Variants in ZNF534 observed in about 807,000 individuals in gnomAD.
ZNF534 encodes KRAB domain only 3.
In ZNF534, 19 loss-of-function variants were observed where a neutral mutation model predicts 13.6. The ratio of observed to expected loss-of-function variants is 1.40; its 90% CI spans 0.97 to 2.05. The LOEUF is 2.05. ZNF534 is among the 30% of genes most tolerant of loss of function. The pLI, the probability that ZNF534 is intolerant of heterozygous loss-of-function variation, is 0.00. For synonymous variants in ZNF534, 244 were observed against 273.8 expected, an observed-to-expected ratio of 0.89 and a Z score of 1.07; for missense variants, 782 against 796.3, an observed-to-expected ratio of 0.98 and a Z score of 0.22.
chr19:52,447,540 A>T (rs1287529962), intron 4 of ZNF534, among the ~76,000 whole-genome samples: 1 of 152,208 alleles, frequency 6.6e-6, no homozygotes, highest in Non-Finnish European at 1.5e-5. Context: ...AGGAAGATGA[A>T]AAAGTTTTGC....
rs897273354 is a variant in ZNF534, at chr19:52,441,844, T to C, written c.*2398T>C. Among the ~76,000 whole-genome samples the C allele has an allele frequency of 6.6e-6, 1 of 152,156 alleles. No individual in the cohort carries two copies. The highest frequency in any genetic ancestry group is 1.5e-5 in the Non-Finnish European group (1 of 68,020). ...AGAAACCTTACAAATGCAACATATG[T>C]GGTAAAATGTTTTAGTCACAATTCA... On this transcript the variant is annotated 3_prime_UTR_variant, in exon 5 of 5. Transcript: ENST00000433050.
chr19:52,444,356 CTA>C (rs772832775), downstream of ZNF534, among the ~76,000 whole-genome samples: 1 of 152,138 alleles, frequency 6.6e-6, no homozygotes, highest in Non-Finnish European at 1.5e-5. Flanking sequence ...TACGAACTGT[CTA>C]TGAGTCTCTC....
intron 4 of ZNF534, among the ~76,000 whole-genome samples, 153 bp from the exon 5 acceptor site, chr19:52,437,579 A>T (rs1476580334): frequency 6.6e-6 from 1 of 152,216 alleles, no homozygotes. Flanking sequence ...ATTGCACTCC[A>T]GCCTGGGTGA....
In ZNF534 at chr19:52,439,202, A is replaced by G. The variant is rs1035577136; in HGVS notation, c.1742A>G (p.Asn581Ser). Residue 581 changes from asparagine to serine, a missense_variant, in exon 5 of 5, where the codon AAT becomes AGT. Asn to Ser is a conservative substitution (Grantham distance 46). Transcript: ENST00000433050. Reference protein sequence around the residue: ...IHTGEKPHSCNECGKVFSRNS... With the variant: ...IHTGEKPHSCSECGKVFSRNS... ...ACTGGAGAGAAGCCTCACAGTTGTA[A>G]TGAATGTGGCAAGGTCTTCAGTCGG... is the stretch of plus-strand genomic sequence containing the variant. 3.9e-6 allele frequency: 6 copies of G among 1,537,794 alleles called. No individual in the cohort carries two copies. The African/African-American group carries it at 6.9e-5, about 18-fold the overall frequency.
At chr19:52,443,456 A>G (rs2059183573), downstream of ZNF534, among the ~76,000 whole-genome samples, 1 of 151,836 alleles carries the variant, frequency 6.6e-6, no homozygotes, top group African/African-American at 2.4e-5. Flanking sequence ...ATATTTTCTT[A>G]TTTTTTCTTT....
intron 3 of ZNF534, 69 bp from the exon 4 acceptor site, chr19:52,435,012 C>A: frequency 6.5e-7 from 1 of 1,539,154 alleles, no homozygotes; most frequent in South Asian, 1.3e-5. Context: ...ATGCTGTCTC[C>A]TACCTAAATA....
At chr19:52,433,817 C>T (rs765655214) in intron 2 of ZNF534, 138 bp from the exon 3 acceptor site, 45 of 914,122 alleles carry the variant, frequency 4.9e-5, no homozygotes, top group Non-Finnish European at 7.8e-5. Flanking sequence ...AGACACATAA[C>T]TAGCTCAAGA....
downstream of ZNF534, among the ~76,000 whole-genome samples, chr19:52,445,267 G>A (rs191524230): frequency 1.3e-4 from 19 of 151,378 alleles, no homozygotes; most frequent in African/African-American, 4.4e-4. Flanking sequence ...TGCAGTCTCC[G>A]ATCACTGCAA....
At chr19:52,430,102 GTCTC>G (rs2059077504) in intron 1 of ZNF534, among the ~76,000 whole-genome samples, 1 of 151,774 alleles carries the variant, frequency 6.6e-6, no homozygotes, top group Non-Finnish European at 1.5e-5. Flanking sequence ...TGCAACCTCT[GTCTC>G]CTGGGTTCAA....
At chr19:52,445,433 G>T (rs921558565), downstream of ZNF534, among the ~76,000 whole-genome samples, 21 of 152,114 alleles carry the variant, frequency 1.4e-4, no homozygotes, top group Admixed American at 2.6e-4. Context: ...CTGACCTCAA[G>T]TGATCCACCT....
chr19:52,435,072 T>C lies in ZNF534; in HGVS notation c.143-9T>C. Reference sequence around the variant, plus strand: ...ACAGCACACATTTATTCTTTCTTTTTGTAAGTAGGAATCTGTCTTCCTGAC... The same window carrying C: ...ACAGCACACATTTATTCTTTCTTTTCGTAAGTAGGAATCTGTCTTCCTGAC... On this transcript the variant is annotated splice_polypyrimidine_tract_variant and intron_variant, in intron 3 of 4. Transcript: ENST00000433050. The C allele has an allele frequency of 4.3e-6, 7 of 1,610,140 alleles. No individual in the cohort carries two copies. The highest frequency in any genetic ancestry group is 5.9e-6 in the Non-Finnish European group (7 of 1,178,176).
rs1356648911 is a variant in ZNF534, at chr19:52,441,347, C to T, written c.*1901C>T. On this transcript the variant is annotated 3_prime_UTR_variant, in exon 5 of 5. Coordinates refer to ENST00000433050, the MANE Select transcript of ZNF534 (RefSeq NM_001143938.3). ...CTGGGTAACATAAGGACAACTCCAT[C>T]TCTACAAATAATAAAAAATTAGCCA... 2.0e-5 allele frequency among the ~76,000 whole-genome samples: 3 copies of T among 152,152 alleles called. No individual in the cohort carries two copies. Among genetic ancestry groups the T allele is most frequent in the African/African-American group, 7.2e-5 (3 of 41,426 alleles).
rs1380602950 is a variant in ZNF534, at chr19:52,442,318, C to T, written c.*2872C>T. ...CCCAGGGCAGAAAAACCGCTTAAGG[C>T]GTTCCAGAACCACAAATAATAGCAT... On this transcript the variant is annotated 3_prime_UTR_variant, in exon 5 of 5. Coordinates refer to ENST00000433050, the MANE Select transcript of ZNF534 (RefSeq NM_001143938.3). Among the ~76,000 whole-genome samples the T allele has an allele frequency of 2.0e-5, 3 of 152,312 alleles. No homozygotes were observed. Among genetic ancestry groups the T allele is most frequent in the East Asian group, 1.9e-4 (1 of 5,184 alleles).
rs931048875 is a variant in ZNF534 at position 52,440,792 on chromosome 19, A to G, written c.*1346A>G. 2.1e-5 allele frequency among the ~76,000 whole-genome samples: 3 copies of G among 144,114 alleles called. No homozygotes were observed. The highest frequency in any genetic ancestry group is 1.4e-4 in the Admixed American group (2 of 14,302). The allele number at this position is 144,114 out of a possible 152,430, so 94.5% of individuals were successfully genotyped here. On this transcript the variant is annotated 3_prime_UTR_variant, in exon 5 of 5. Coordinates refer to ENST00000433050, the MANE Select transcript of ZNF534 (RefSeq NM_001143938.3). Reference sequence around the variant, plus strand: ...AGATTCTGTCTCAAAAAAAAAAAAAAGAATTCATACTGGAAGGAAGCGTTA... The same window carrying G: ...AGATTCTGTCTCAAAAAAAAAAAAAGGAATTCATACTGGAAGGAAGCGTTA...
chr19:52,435,953 T>C (rs1320924299), intron 4 of ZNF534, among the ~76,000 whole-genome samples: 2 of 143,284 alleles, frequency 1.4e-5, no homozygotes, highest in Non-Finnish European at 3.0e-5. Context: ...TTTTTTTTTT[T>C]TTTGAGACCG....
intron 4 of ZNF534, 140 bp downstream of exon 4, chr19:52,435,349 G>A (rs2059122146): frequency 9.5e-7 from 1 of 1,053,026 alleles, no homozygotes; most frequent in East Asian, 2.7e-5. Flanking sequence ...GGATCCTTCT[G>A]GCTTGGTCTT....
rs1253900152 is a variant in ZNF534 at position 52,442,132 on chromosome 19, TTTAA to T, written c.*2690_*2693del. Among the ~76,000 whole-genome samples, 1 of 152,184 alleles carries T rather than the reference TTTAA, an allele frequency of 6.6e-6. No individual in the cohort carries two copies. Among genetic ancestry groups the T allele is most frequent in the African/African-American group, 2.4e-5 (1 of 41,442 alleles). ...CCATTACTATAGAACATGAAAAGGA[TTTAA>T]TTATTGTTTTCTTTTTTCCTAAAAG... On this transcript the variant is annotated 3_prime_UTR_variant, in exon 5 of 5. Coordinates refer to ENST00000433050, the MANE Select transcript of ZNF534 (RefSeq NM_001143938.3).
Position 52,439,707 on chromosome 19 carries a change from C to A in ZNF534, c.*261C>A. Among the ~76,000 whole-genome samples the A allele has an allele frequency of 6.6e-6, 1 of 150,644 alleles. No homozygotes were observed. The highest frequency in any genetic ancestry group is 1.5e-5 in the Non-Finnish European group (1 of 67,778). ...CTGGGAGGCAGAGCCTCCAGTGAGC[C>A]GAGTGAGCCACTGCACTCCAGCCTA... On this transcript the variant is annotated 3_prime_UTR_variant, in exon 5 of 5. Transcript: ENST00000433050.
chr19:52,443,208 T>C (rs1282763431), downstream of ZNF534, among the ~76,000 whole-genome samples: 2 of 152,182 alleles, frequency 1.3e-5, no homozygotes. Context: ...TTGTTAATTT[T>C]CGATAACCTG....
Sources: gnomAD v4.1 joint callset for allele counts (sites outside exome capture counted in the v4.1 genomes callset) on GRCh38, gnomAD v4.1.1 for gene constraint, MANE v1.5 for transcripts, NCBI Gene and HGNC (gene_info 2026-07-23, HGNC 2026-07-21) for gene names.